Variants in RGS7 observed in about 807,000 individuals in gnomAD.
RGS7 encodes the protein regulator of G-protein signaling 7.
In RGS7, 27 loss-of-function variants were observed where a neutral mutation model predicts 81.1. The ratio of observed to expected loss-of-function variants is 0.33; its 90% CI spans 0.25 to 0.46. The LOEUF (loss-of-function observed/expected upper bound fraction) is 0.46. Among genes scored for constraint, RGS7 ranks in the 20% least tolerant of loss-of-function variants. RGS7 has a pLI of 1.00. For missense variants in RGS7, 396 were observed against 607.4 expected, an observed-to-expected ratio of 0.65 and a Z score of 3.66; for synonymous variants, 208 against 207.7, an observed-to-expected ratio of 1.00 and a Z score of -0.01.
At position 240,929,239 on chromosome 1, in the gene RGS7, A is replaced by C. The variant is rs143027897; in HGVS notation, c.385+1478T>G. On this transcript the variant is annotated intron_variant, in intron 6 of 18. Coordinates refer to ENST00000440928, the MANE Select transcript of RGS7 (RefSeq NM_001364886.1). ...CTCTTAGCTGTTCCAGTGTTCCTCC[A>C]CTAGAATTTCATATTCTTTAGTGAG... Among the ~76,000 whole-genome samples, 124 of 152,238 alleles carry C rather than the reference A, an allele frequency of 8.1e-4. 1 individual carries two copies. Among genetic ancestry groups the C allele is most frequent in the Non-Finnish European group, 1.3e-3 (88 of 68,012 alleles).
At chr1:240,783,280 C>G (rs1304662984) in intron 18 of RGS7, among the ~76,000 whole-genome samples, 1 of 152,106 alleles carries the variant, frequency 6.6e-6, no homozygotes, top group East Asian at 1.9e-4. Context: ...TTGTCCTTAA[C>G]TTTTCCAAGT....
intron 3 of RGS7, among the ~76,000 whole-genome samples, chr1:241,000,170 G>A (rs546387467): frequency 1.7e-4 from 26 of 152,222 alleles, no homozygotes; most frequent in African/African-American, 6.0e-4. Flanking sequence ...GTTGGTGTGG[G>A]ATATCCAGTC....
At chr1:240,931,128 T>C (rs966824015) in intron 5 of RGS7, among the ~76,000 whole-genome samples, 1 of 152,162 alleles carries the variant, frequency 6.6e-6, no homozygotes, top group Non-Finnish European at 1.5e-5. Context: ...CAGGATGAAA[T>C]ATATTTAAAT....
intron 2 of RGS7, among the ~76,000 whole-genome samples, chr1:241,282,432 C>T (rs757744939): frequency 3.3e-5 from 5 of 152,066 alleles, no homozygotes; most frequent in Non-Finnish European, 5.9e-5. Context: ...CTTTGGGTTC[C>T]GTGACCTTGC....
intron 2 of RGS7, among the ~76,000 whole-genome samples, chr1:241,119,039 GTAAAA>G (rs550583447): frequency 9.3e-4 from 140 of 150,840 alleles, no homozygotes; most frequent in African/African-American, 3.1e-3. Context: ...CACCCAAAAT[GTAAAA>G]TAAAATAAAA....
chr1:241,240,499 A>G (rs190973756), intron 2 of RGS7, among the ~76,000 whole-genome samples: 3 of 152,346 alleles, frequency 2.0e-5, no homozygotes, highest in Admixed American at 2.0e-4. Context: ...CTTGTAAAAA[A>G]TGAAACCTGT....
At chr1:241,035,216 T>C (rs2060265052) in intron 3 of RGS7, among the ~76,000 whole-genome samples, 1 of 152,106 alleles carries the variant, frequency 6.6e-6, no homozygotes, top group South Asian at 2.1e-4. Flanking sequence ...AGTCTGAAGC[T>C]CGAAAATGCT....
chr1:241,232,573 GT>G (rs367850632), intron 2 of RGS7, among the ~76,000 whole-genome samples: 11 of 151,972 alleles, frequency 7.2e-5, no homozygotes, highest in African/African-American at 2.7e-4. Context: ...TTTGAAATGA[GT>G]GGTGTAAATC....
intron 6 of RGS7, among the ~76,000 whole-genome samples, chr1:240,877,505 A>G (rs61834063): frequency 0.21 from 32,297 of 151,952 alleles, 3,550 homozygotes; most frequent in Middle Eastern, 0.31. Flanking sequence ...ACTGTACCAC[A>G]CATGCTGTAT....
intron 5 of RGS7, among the ~76,000 whole-genome samples, chr1:240,935,830 C>T (rs1033403783): frequency 6.6e-6 from 1 of 152,160 alleles, no homozygotes. Flanking sequence ...GGGGAGAACC[C>T]TCCAGCAAAT....
intron 4 of RGS7, among the ~76,000 whole-genome samples, chr1:240,955,320 A>C (rs1680188671): frequency 6.6e-6 from 1 of 152,160 alleles, no homozygotes; most frequent in Admixed American, 6.5e-5. Context: ...TAGGAGGCCG[A>C]GGCGGGCGGA....
intron 6 of RGS7, among the ~76,000 whole-genome samples, chr1:240,899,684 G>A (rs1175281236): frequency 6.6e-6 from 1 of 152,166 alleles, no homozygotes; most frequent in East Asian, 1.9e-4. Context: ...CCCTTTGTGG[G>A]TAACCTGACC....
chr1:241,193,526 C>T (rs548549708), intron 2 of RGS7, among the ~76,000 whole-genome samples: 2 of 152,320 alleles, frequency 1.3e-5, no homozygotes, highest in African/African-American at 4.8e-5. Context: ...GAATTTATAA[C>T]ACCACATTTG....
At chr1:241,029,055 C>T (rs532141314) in intron 3 of RGS7, among the ~76,000 whole-genome samples, 1 of 151,842 alleles carries the variant, frequency 6.6e-6, no homozygotes, top group South Asian at 2.1e-4. Context: ...ATTGAAGAGG[C>T]GAAAATCAAA....
chr1:241,306,299 A>C (rs2080123772), intron 2 of RGS7, among the ~76,000 whole-genome samples: 2 of 150,612 alleles, frequency 1.3e-5, no homozygotes, highest in African/African-American at 4.9e-5. Context: ...ACATACCCTC[A>C]CATGTACATA....
At chr1:241,078,777 C>T (rs1459881724) in intron 3 of RGS7, among the ~76,000 whole-genome samples, 1 of 151,984 alleles carries the variant, frequency 6.6e-6, no homozygotes, top group Non-Finnish European at 1.5e-5. Flanking sequence ...TTAATAAATG[C>T]TAGTAGTTGC....
intron 14 of RGS7, among the ~76,000 whole-genome samples, chr1:240,808,161 C>A (rs1253621051): frequency 6.6e-6 from 1 of 152,014 alleles, no homozygotes; most frequent in East Asian, 1.9e-4. Context: ...CAGTCTCTGT[C>A]CTCAAAGAAT....
intron 2 of RGS7, among the ~76,000 whole-genome samples, chr1:241,307,729 T>C (rs370195131): frequency 6.6e-6 from 1 of 152,210 alleles, no homozygotes; most frequent in Non-Finnish European, 1.5e-5. Flanking sequence ...TTCTCTGATG[T>C]ATCGCCCAGC....
At chr1:241,018,650 C>G (rs138506135) in intron 3 of RGS7, among the ~76,000 whole-genome samples, 1 of 151,880 alleles carries the variant, frequency 6.6e-6, no homozygotes. Flanking sequence ...TAAGGTGGAG[C>G]GGAGGTGGGG....
Sources: gnomAD v4.1 joint callset for allele counts (sites outside exome capture counted in the v4.1 genomes callset) on GRCh38, gnomAD v4.1.1 for gene constraint, MANE v1.5 for transcripts, NCBI Gene and HGNC (gene_info 2026-07-23, HGNC 2026-07-21) for gene names.